The following ASPH variants were observed in gnomAD, a reference collection of about 807,000 sequenced individuals.
ASPH encodes aspartate beta-hydroxylase.
Under a neutral mutation model 118.4 loss-of-function variants are expected in ASPH, and 100 were observed. The observed-to-expected ratio is 0.84, with a 90% CI of 0.72 to 1.00. ASPH has a LOEUF of 1.00. ASPH is among the 50% of genes least tolerant of loss of function. The probability of loss-of-function intolerance (pLI) is 0.00; values close to 1 mark genes in which losing one functional copy is unlikely to be tolerated. For synonymous variants in ASPH, 315 were observed against 325.6 expected (o/e 0.97, Z 0.35); for missense variants, 920 against 919.5 (o/e 1.00, Z -0.01).
At chr8:61,689,811 T>G in intron 1 of ASPH, 1 of 1,476,024 alleles carries the variant, frequency 6.8e-7, no homozygotes, top group Non-Finnish European at 9.0e-7. Flanking sequence ...AGCTTGAGAC[T>G]GGCCAATCCC....
At chr8:61,689,692 G>A in intron 1 of ASPH, 2 of 1,586,726 alleles carry the variant, frequency 1.3e-6, no homozygotes, top group South Asian at 2.3e-5. Context: ...CAGCCATTTT[G>A]ATTTCTTCAA....
intron 1 of ASPH, among the ~76,000 whole-genome samples, chr8:61,704,817 C>T (rs564739445): frequency 1.3e-5 from 2 of 152,278 alleles, no homozygotes; most frequent in African/African-American, 4.8e-5. Flanking sequence ...AAAAGACTGA[C>T]ACCACCAAAT....
intron 3 of ASPH, chr8:61,663,657 T>A: frequency 2.0e-6 from 2 of 984,678 alleles, no homozygotes; most frequent in Non-Finnish European, 2.4e-6. Context: ...AATGGCAAAA[T>A]CCTGACTAAT....
chr8:61,695,127 ACT>A (rs1833624650), intron 1 of ASPH, among the ~76,000 whole-genome samples: 1 of 152,132 alleles, frequency 6.6e-6, no homozygotes, highest in African/African-American at 2.4e-5. Context: ...AAAGTGAGAA[ACT>A]CTGTCTCAAG....
chr8:61,587,057 T>C (rs1361293432), intron 14 of ASPH, among the ~76,000 whole-genome samples: 2 of 152,212 alleles, frequency 1.3e-5, no homozygotes, highest in Non-Finnish European at 2.9e-5. Flanking sequence ...ACCCCCTCTT[T>C]TAATTCAACT....
intron 2 of ASPH, 50 bp from the exon 3 acceptor site, chr8:61,681,086 T>G: frequency 3.5e-6 from 5 of 1,443,722 alleles, no homozygotes; most frequent in South Asian, 1.3e-5. Context: ...GAAAAGAAAT[T>G]TAATAAGGTA....
chr8:61,654,183 T>G (rs1163622658), intron 3 of ASPH, among the ~76,000 whole-genome samples: 2 of 152,232 alleles, frequency 1.3e-5, no homozygotes, highest in Non-Finnish European at 2.9e-5. Context: ...AATCATATTA[T>G]TCTATAACAG....
At chr8:61,562,285 C>A (rs1266391329) in intron 18 of ASPH, among the ~76,000 whole-genome samples, 1 of 24,616 alleles carries the variant, frequency 4.1e-5, no homozygotes, top group Non-Finnish European at 8.4e-5. Context: ...CAGTGCCCTG[C>A]TGAAAAGTAA....
chr8:61,537,085 G>A (rs1819914142), intron 21 of ASPH, among the ~76,000 whole-genome samples: 1 of 152,196 alleles, frequency 6.6e-6, no homozygotes, highest in Non-Finnish European at 1.5e-5. Flanking sequence ...CAGCCTGAGG[G>A]CTTCAAGGAC....
intron 14 of ASPH, among the ~76,000 whole-genome samples, chr8:61,613,607 C>T (rs1848134180): frequency 6.6e-6 from 1 of 152,142 alleles, no homozygotes; most frequent in Non-Finnish European, 1.5e-5. Context: ...AAGAGAAACA[C>T]ACTTTCTGGT....
intron 14 of ASPH, among the ~76,000 whole-genome samples, chr8:61,599,055 TAAAC>T (rs1404328743): frequency 6.6e-6 from 1 of 151,744 alleles, no homozygotes; most frequent in Non-Finnish European, 1.5e-5. Context: ...AGATTTCAAA[TAAAC>T]AACCTAATGA....
chr8:61,602,561 T>C (rs75672996), intron 14 of ASPH, among the ~76,000 whole-genome samples: 7 of 151,538 alleles, frequency 4.6e-5, no homozygotes, highest in East Asian at 1.9e-4. Flanking sequence ...AAGATGTCCA[T>C]GCATAACTTC....
In ASPH at chr8:61,501,791, A is replaced by T; in HGVS notation, c.*1568T>A. ...TTGCAAACTCATCTACTGGAAGCTA[A>T]TCTCCTTAAGGTCAAGCAAAAAGGG... On this transcript the variant is annotated 3_prime_UTR_variant, in exon 25 of 25. Coordinates refer to ENST00000379454, the MANE Select transcript of ASPH (RefSeq NM_004318.4). 1 of 152,220 alleles carries T rather than the reference A, an allele frequency of 6.6e-6. No individual in the cohort carries two copies. Among genetic ancestry groups the T allele is most frequent in the South Asian group, 2.1e-4 (1 of 4,832 alleles). 9.4% of individuals were successfully genotyped at this position (152,220 alleles called of 1,614,324 possible). A position where few individuals can be genotyped will look rare whatever the true frequency, so the allele number is the denominator to read the frequency against.
chr8:61,616,829 T>G (rs1849201386), intron 14 of ASPH, among the ~76,000 whole-genome samples: 1 of 152,190 alleles, frequency 6.6e-6, no homozygotes, highest in South Asian at 2.1e-4. Flanking sequence ...TACCACAATT[T>G]CAGTCTGTGT....
intron 12 of ASPH, 118 bp from the exon 13 acceptor site, chr8:61,633,845 A>T (rs1196404334): frequency 4.4e-6 from 3 of 678,408 alleles, no homozygotes; most frequent in Non-Finnish European, 7.0e-6. Flanking sequence ...AATTCAATTG[A>T]AATTTTAATA....
intron 3 of ASPH, chr8:61,675,997 C>T (rs188624060): frequency 1.9e-6 from 3 of 1,569,832 alleles, no homozygotes; most frequent in Admixed American, 3.6e-5. Flanking sequence ...TTAAGCCCTG[C>T]ATAAGCCAAG....
chr8:61,529,854 C>T (rs1426853253), intron 21 of ASPH, among the ~76,000 whole-genome samples: 3 of 152,200 alleles, frequency 2.0e-5, no homozygotes, highest in African/African-American at 7.2e-5. Context: ...CAACCAAACT[C>T]TCTGGGGACT....
At chr8:61,515,971 T>C (rs1001968050) in intron 24 of ASPH, among the ~76,000 whole-genome samples, 2 of 152,234 alleles carry the variant, frequency 1.3e-5, no homozygotes, top group African/African-American at 2.4e-5. Context: ...GGTTCCACAG[T>C]AACTTCCTAA....
At chr8:61,504,310 C>T (rs1194674126) in intron 24 of ASPH, among the ~76,000 whole-genome samples, 1 of 152,104 alleles carries the variant, frequency 6.6e-6, no homozygotes. Context: ...ATATTAAATA[C>T]CAAGTTATGT....
Sources: gnomAD v4.1 joint callset for allele counts (sites outside exome capture counted in the v4.1 genomes callset) on GRCh38, gnomAD v4.1.1 for gene constraint, MANE v1.5 for transcripts, NCBI Gene and HGNC (gene_info 2026-07-23, HGNC 2026-07-21) for gene names.